Variants in LAP3 observed in about 807,000 individuals in gnomAD.
The protein encoded by LAP3 is cytosol aminopeptidase.
LAP3 carries 46 observed loss-of-function variants against 58.8 expected under a neutral mutation model. The ratio of observed to expected loss-of-function variants is 0.78; its 90% CI spans 0.62 to 1.00. The LOEUF is 1.00. Among genes scored for constraint, LAP3 ranks in the 50% least tolerant of loss-of-function variants. LAP3 has a pLI of 0.00. For missense variants in LAP3, 615 were observed against 659.1 expected (o/e 0.93, Z 0.73); for synonymous variants, 257 against 237.7 (o/e 1.08, Z -0.75).
At chr4:17,594,484 G>T (rs1027787068) in intron 7 of LAP3, among the ~76,000 whole-genome samples, 3 of 152,206 alleles carry the variant, frequency 2.0e-5, no homozygotes, top group African/African-American at 7.2e-5. Flanking sequence ...GGGCACATGA[G>T]CAGCAGATCT....
intron 6 of LAP3, 79 bp downstream of exon 6, chr4:17,585,215 C>T: frequency 2.5e-6 from 3 of 1,203,894 alleles, no homozygotes; most frequent in Non-Finnish European, 3.6e-6. Flanking sequence ...AGCTCCCTCA[C>T]TTTTTAGAGG....
intron 7 of LAP3, among the ~76,000 whole-genome samples, chr4:17,595,064 C>A (rs976166666): frequency 6.6e-6 from 1 of 151,544 alleles, no homozygotes; most frequent in Non-Finnish European, 1.5e-5. Flanking sequence ...TTTGGGAGGC[C>A]GAGGCTGGCG....
In LAP3 at chr4:17,581,834, A is replaced by G. The variant is rs751579482; in HGVS notation, c.273+20A>G. ...CATCAGGTATGAGAAGAACGTGATC[A>G]TTTGGTAAACCCTCAATGAGCATCT... On this transcript the variant is annotated intron_variant, in intron 3 of 12. Coordinates refer to ENST00000226299, the MANE Select transcript of LAP3 (RefSeq NM_015907.3). 2.3e-5 allele frequency: 37 copies of G among 1,606,768 alleles called. No individual in the cohort carries two copies. In the South Asian group the frequency reaches 4.1e-4, roughly 18 times the overall value.
At position 17,604,634 on chromosome 4, in the gene LAP3, C is replaced by T. The variant is rs1714074419; in HGVS notation, c.1227C>T (p.Thr409=). The change falls in exon 11 of 13, where the codon ACC becomes ACT. Residue 409 remains threonine, a synonymous_variant. Coordinates refer to ENST00000226299, the MANE Select transcript of LAP3 (RefSeq NM_015907.3). ...GATCAGGTGCCACTGGGGTCTTTAC[C>T]AATTCATCCTGGCTCTGGAACAAAC... ...ALGSGATGVF[T]NSSWLWNKLF... The T allele has an allele frequency of 6.2e-7, 1 of 1,613,582 alleles. No homozygotes were observed. The highest frequency in any genetic ancestry group is 1.1e-5 in the South Asian group (1 of 91,080).
At chr4:17,590,957 C>T (rs770340125) in intron 7 of LAP3, among the ~76,000 whole-genome samples, 38 of 122,208 alleles carry the variant, frequency 3.1e-4, no homozygotes, top group Non-Finnish European at 5.8e-4. Context: ...TTAGTAGAGA[C>T]GTGGTCTTGC....
intron 7 of LAP3, among the ~76,000 whole-genome samples, chr4:17,595,128 C>G (rs1334011487): frequency 6.6e-6 from 1 of 150,698 alleles, no homozygotes; most frequent in Non-Finnish European, 1.5e-5. Flanking sequence ...GAAACCCCAT[C>G]TCTACTAAAA....
intron 6 of LAP3, chr4:17,587,690 G>C (rs139250524): frequency 6.6e-6 from 1 of 152,148 alleles, no homozygotes; most frequent in Non-Finnish European, 1.5e-5. Flanking sequence ...CTAGAAAGAA[G>C]AGCAATATGG....
chr4:17,607,083 T>A, intron 12 of LAP3, 145 bp downstream of exon 12: 1 of 580,468 alleles, frequency 1.7e-6, no homozygotes, highest in Non-Finnish European at 2.9e-6. Context: ...ATGTCTTGAA[T>A]TTTCAAGTAT....
At chr4:17,601,863 T>C (rs548495327) in intron 10 of LAP3, among the ~76,000 whole-genome samples, 2 of 152,296 alleles carry the variant, frequency 1.3e-5, no homozygotes, top group East Asian at 3.9e-4. Context: ...GTTGACTCCA[T>C]AGTCAACAGA....
chr4:17,591,982 G>T (rs6843530), intron 7 of LAP3, among the ~76,000 whole-genome samples: 93,028 of 151,320 alleles, frequency 0.61, 29,260 homozygotes, highest in East Asian at 0.88. Context: ...TTGGGGGGGT[G>T]CAGTGGCATA....
chr4:17,577,295 C>T lies in LAP3; in HGVS notation c.-171C>T, dbSNP rs189006794. 837 of 494,128 alleles carry T rather than the reference C, an allele frequency of 1.7e-3. 22 individuals carry two copies. In the South Asian group the frequency reaches 0.024, roughly 14 times the overall value. 30.6% of individuals were successfully genotyped at this position (494,128 alleles called of 1,614,324 possible). ...CGCGGTTTGATCCCAGCGGTCCAGT[C>T]GGCCGGTGCTGCCCATCCGTCCCGC... On this transcript the variant is annotated 5_prime_UTR_variant, in exon 1 of 13. Coordinates refer to ENST00000226299, the MANE Select transcript of LAP3 (RefSeq NM_015907.3).
chr4:17,606,363 G>A (rs565519204), intron 11 of LAP3, among the ~76,000 whole-genome samples: 6 of 151,940 alleles, frequency 3.9e-5, no homozygotes, highest in Admixed American at 2.6e-4. Flanking sequence ...TTTTTGAGAC[G>A]GAGCCTCGCT....
rs761780576 is a variant in LAP3, at chr4:17,577,586, C to T, written c.102+19C>T. The T allele has an allele frequency of 7.9e-6, 12 of 1,521,762 alleles. No homozygotes were observed. In the South Asian group the frequency reaches 1.2e-4, roughly 15 times the overall value. The allele number at this position is 1,521,762 out of a possible 1,614,324, so 94.3% of individuals were successfully genotyped here. On this transcript the variant is annotated intron_variant, in intron 1 of 12. Coordinates refer to ENST00000226299, the MANE Select transcript of LAP3 (RefSeq NM_015907.3). Reference sequence around the variant, plus strand: ...GACGAAGGTGAGAGGCGGCGGCTCGCTCATGGTCCGCCGCTGGGGCCCTGC... The same window carrying T: ...GACGAAGGTGAGAGGCGGCGGCTCGTTCATGGTCCGCCGCTGGGGCCCTGC...
chr4:17,598,355 C>G (rs1713884864), intron 9 of LAP3, 101 bp from the exon 10 acceptor site: 3 of 798,318 alleles, frequency 3.8e-6, no homozygotes, highest in Middle Eastern at 4.5e-4. Flanking sequence ...ACACACGTCA[C>G]AGTAGCTTTT....
At chr4:17,603,500 G>T (rs921156749) in intron 10 of LAP3, among the ~76,000 whole-genome samples, 8 of 121,468 alleles carry the variant, frequency 6.6e-5, no homozygotes, top group African/African-American at 9.5e-5. Flanking sequence ...TCTACAGCAA[G>T]AAATCTTTTT....
At chr4:17,581,903 A>G (rs1177196497) in intron 3 of LAP3, 89 bp downstream of exon 3, 2 of 1,028,684 alleles carry the variant, frequency 1.9e-6, no homozygotes, top group African/African-American at 1.6e-5. Context: ...ACTAAACATT[A>G]TGTGTTGGAT....
chr4:17,599,304 C>T (rs571863058), intron 10 of LAP3, among the ~76,000 whole-genome samples: 9 of 151,996 alleles, frequency 5.9e-5, no homozygotes, highest in Admixed American at 1.3e-4. Flanking sequence ...TTTGGGAGTC[C>T]GAGGCAGATG....
intron 2 of LAP3, 26 bp downstream of exon 2, chr4:17,579,965 T>G (rs1713308053): frequency 3.2e-6 from 4 of 1,265,708 alleles, no homozygotes; most frequent in Non-Finnish European, 4.6e-6. Context: ...GGGCTCTAGT[T>G]CTTAAAGTGC....
chr4:17,591,030 A>G (rs989535950), intron 7 of LAP3, among the ~76,000 whole-genome samples: 4 of 150,402 alleles, frequency 2.7e-5, no homozygotes, highest in African/African-American at 9.8e-5. Flanking sequence ...TGGCCTCCCA[A>G]AGTGCTAGGA....
Sources: gnomAD v4.1 joint callset for allele counts (sites outside exome capture counted in the v4.1 genomes callset) on GRCh38, gnomAD v4.1.1 for gene constraint, MANE v1.5 for transcripts, NCBI Gene and HGNC (gene_info 2026-07-23, HGNC 2026-07-21) for gene names.